The following EDN1 variants were observed in gnomAD, a reference collection of about 807,000 sequenced individuals.
The protein encoded by EDN1 is endothelin 1.
Under a neutral mutation model 21.7 loss-of-function variants are expected in EDN1, and 11 were observed. The ratio of observed to expected loss-of-function variants is 0.51; its 90% CI spans 0.32 to 0.84. EDN1 has a LOEUF of 0.84. Ranked by LOEUF, EDN1 falls within the 40% of genes least tolerant of loss-of-function variation. The pLI, the probability that EDN1 is intolerant of heterozygous loss-of-function variation, is 0.03. For missense variants in EDN1, 244 were observed against 262.3 expected (o/e 0.93, Z 0.48); for synonymous variants, 85 against 90.6 (o/e 0.94, Z 0.35).
the EDN1 span, among the ~76,000 whole-genome samples, chr6:12,242,255 C>T: frequency 1.3e-5 from 2 of 152,160 alleles, no homozygotes; most frequent in African/African-American, 4.8e-5. Context: ...AGGCTAATTT[C>T]TAACGCAGGG....
the EDN1 span, among the ~76,000 whole-genome samples, chr6:12,258,448 T>TAAAAAAAAAAAAAAAAA: frequency 7.2e-5 from 2 of 27,746 alleles, no homozygotes; most frequent in African/African-American, 1.4e-4. Context: ...AGATCATGTC[T>TAAAAAAAAAAAAAAAAA]CAAAAAAAAA....
the EDN1 span, among the ~76,000 whole-genome samples, chr6:12,268,700 C>A: frequency 1.3e-5 from 2 of 152,084 alleles, no homozygotes; most frequent in Non-Finnish European, 2.9e-5. Flanking sequence ...CAGTACCATG[C>A]TGTTTTGGTT....
At chr6:12,230,626 G>T in the EDN1 span, among the ~76,000 whole-genome samples, 1 of 152,156 alleles carries the variant, frequency 6.6e-6, no homozygotes, top group Admixed American at 6.5e-5. Flanking sequence ...CCTGTTTACA[G>T]GATAAGGGCT....
the EDN1 span, among the ~76,000 whole-genome samples, chr6:12,243,619 A>T: frequency 1.3e-5 from 2 of 152,178 alleles, no homozygotes; most frequent in African/African-American, 4.8e-5. Context: ...ATGAATGCTG[A>T]ATTAATACAT....
At chr6:12,238,919 A>C in the EDN1 span, among the ~76,000 whole-genome samples, 1 of 152,206 alleles carries the variant, frequency 6.6e-6, no homozygotes, top group Non-Finnish European at 1.5e-5. Context: ...CACTGACGCC[A>C]ATTGTTTGAA....
chr6:12,242,057 G>C, the EDN1 span, among the ~76,000 whole-genome samples: 1 of 152,222 alleles, frequency 6.6e-6, no homozygotes, highest in South Asian at 2.1e-4. Flanking sequence ...AAGAGATTCA[G>C]CTTTGAAAGA....
the EDN1 span, among the ~76,000 whole-genome samples, chr6:12,230,571 T>C: frequency 0.87 from 132,770 of 152,118 alleles, 59,078 homozygotes; most frequent in East Asian, 1. Flanking sequence ...ACAAAAAGCA[T>C]AAAAATGTGA....
At chr6:12,287,232 C>T (rs771355338), upstream of EDN1, among the ~76,000 whole-genome samples, 32 of 151,118 alleles carry the variant, frequency 2.1e-4, no homozygotes, top group Non-Finnish European at 4.6e-4. Context: ...CCTTCCCTTT[C>T]TGAGAGTGAC....
At chr6:12,279,992 T>A in the EDN1 span, among the ~76,000 whole-genome samples, 1 of 152,162 alleles carries the variant, frequency 6.6e-6, no homozygotes, top group Admixed American at 6.5e-5. Context: ...AGAAAAAAGA[T>A]AACTAGAGAT....
At chr6:12,241,692 A>G in the EDN1 span, among the ~76,000 whole-genome samples, 1 of 152,204 alleles carries the variant, frequency 6.6e-6, no homozygotes, top group South Asian at 2.1e-4. Context: ...AATTGAAACC[A>G]GCTTATGGTT....
At chr6:12,264,969 T>G in the EDN1 span, among the ~76,000 whole-genome samples, 3 of 152,210 alleles carry the variant, frequency 2.0e-5, no homozygotes, top group Non-Finnish European at 2.9e-5. Context: ...TCCTCCACTT[T>G]GCTGTTCCCT....
the EDN1 span, among the ~76,000 whole-genome samples, chr6:12,236,993 A>T: frequency 9.4e-6 from 1 of 105,976 alleles, no homozygotes; most frequent in Non-Finnish European, 1.8e-5. Context: ...ACCCCACATC[A>T]GGTACCGGTG....
chr6:12,247,285 G>A, the EDN1 span, among the ~76,000 whole-genome samples: 4 of 152,234 alleles, frequency 2.6e-5, no homozygotes, highest in South Asian at 6.2e-4. Flanking sequence ...ACCTTGGTGT[G>A]TAAATGTTGG....
At chr6:12,262,348 A>G in the EDN1 span, among the ~76,000 whole-genome samples, 2 of 152,132 alleles carry the variant, frequency 1.3e-5, no homozygotes, top group Admixed American at 6.5e-5. Flanking sequence ...TTGAGGGAGC[A>G]AGAGGCTTGT....
chr6:12,260,061 A>G, the EDN1 span, among the ~76,000 whole-genome samples: 2 of 152,158 alleles, frequency 1.3e-5, no homozygotes, highest in Admixed American at 6.5e-5. Context: ...CATGCCGGAA[A>G]CAAAATAGAA....
chr6:12,292,999 T>C (rs994061856), intron 2 of EDN1, among the ~76,000 whole-genome samples: 1 of 152,244 alleles, frequency 6.6e-6, no homozygotes, highest in Non-Finnish European at 1.5e-5. Context: ...AGTGAGTTTG[T>C]AGCAGAGCTA....
chr6:12,285,068 A>G, the EDN1 span, among the ~76,000 whole-genome samples: 1 of 152,174 alleles, frequency 6.6e-6, no homozygotes, highest in Non-Finnish European at 1.5e-5. Context: ...TGTGTGAAAT[A>G]TGATTCTAAT....
chr6:12,278,791 G>A, the EDN1 span, among the ~76,000 whole-genome samples: 1 of 152,048 alleles, frequency 6.6e-6, no homozygotes, highest in Non-Finnish European at 1.5e-5. Flanking sequence ...CAGCTACTTG[G>A]GAGGCTGAGT....
the EDN1 span, among the ~76,000 whole-genome samples, chr6:12,263,805 T>C: frequency 6.6e-6 from 1 of 152,154 alleles, no homozygotes; most frequent in African/African-American, 2.4e-5. Context: ...TCCTTTCTGG[T>C]TCCTTGTTAA....
Sources: allele counts gnomAD v4.1 joint callset (sites outside exome capture counted in the v4.1 genomes callset), GRCh38; gene constraint gnomAD v4.1.1; transcripts MANE v1.5; gene names NCBI Gene and HGNC (gene_info 2026-07-23, HGNC 2026-07-21).